Variants in TAOK3 observed in about 807,000 individuals in gnomAD.
The protein encoded by TAOK3 is serine/threonine-protein kinase TAO3.
TAOK3 carries 40 observed loss-of-function variants against 120.4 expected under a neutral mutation model. The observed-to-expected ratio is 0.33, with a 90% CI of 0.26 to 0.43. TAOK3 has a LOEUF of 0.43. Among genes scored for constraint, TAOK3 ranks in the 20% least tolerant of loss-of-function variants. The probability of loss-of-function intolerance (pLI) is 1.00; values close to 1 mark genes in which losing one functional copy is unlikely to be tolerated. For missense variants in TAOK3, 821 were observed against 1,112.1 expected (o/e 0.74, Z 3.72); for synonymous variants, 355 against 387.5 (o/e 0.92, Z 0.99).
At chr12:118,342,960 A>G (rs1268143706) in intron 1 of TAOK3, among the ~76,000 whole-genome samples, 1 of 130,866 alleles carries the variant, frequency 7.6e-6, no homozygotes, top group Non-Finnish European at 1.6e-5. Context: ...AAAAAAAAAG[A>G]GAGAGAGAGA....
At chr12:118,151,643 C>T (rs190867259) in intron 20 of TAOK3, among the ~76,000 whole-genome samples, 1 of 152,242 alleles carries the variant, frequency 6.6e-6, no homozygotes, top group East Asian at 1.9e-4. Context: ...CAGGGAACTA[C>T]TGGAAGAAAG....
rs2034348861 is a variant in TAOK3, at chr12:118,150,951, G to GTT, written c.*44_*45dup. The stretch of plus-strand genomic sequence containing the variant: ...TTTTGCAGGGTCTGAATTTTTTTCT[G>GTT]TTTTCTTTTTTTTTTTTTTTTTTGT... On this transcript the variant is annotated 3_prime_UTR_variant, in exon 21 of 21. Coordinates refer to ENST00000392533, the MANE Select transcript of TAOK3 (RefSeq NM_016281.4). The GTT allele has an allele frequency of 2.9e-6, 4 of 1,364,754 alleles. No individual in the cohort carries two copies. Among genetic ancestry groups the GTT allele is most frequent in the East Asian group, 2.4e-5 (1 of 41,814 alleles). The allele number at this position is 1,364,754 out of a possible 1,614,324, so 84.5% of individuals were successfully genotyped here.
chr12:118,254,123 A>C (rs778562084), intron 3 of TAOK3, among the ~76,000 whole-genome samples: 3 of 152,224 alleles, frequency 2.0e-5, no homozygotes, highest in Non-Finnish European at 4.4e-5. Flanking sequence ...AGCTGTGTTA[A>C]AATTTTGGCT....
intron 13 of TAOK3, among the ~76,000 whole-genome samples, chr12:118,198,136 A>T (rs1367843309): frequency 1.3e-5 from 2 of 151,890 alleles, no homozygotes; most frequent in Non-Finnish European, 1.5e-5. Flanking sequence ...GTCCTGAGGC[A>T]CTGTCCACAT....
intron 5 of TAOK3, among the ~76,000 whole-genome samples, chr12:118,242,136 A>G (rs1434457623): frequency 6.6e-6 from 1 of 151,836 alleles, no homozygotes; most frequent in Non-Finnish European, 1.5e-5. Context: ...AGTGTGAAGG[A>G]TTTTCTGAAG....
Position 118,152,241 on chromosome 12 carries a change from G to T in TAOK3, c.2521C>A (p.His841Asn), listed in dbSNP as rs2034500879. 6 of 1,613,856 alleles carry T rather than the reference G, an allele frequency of 3.7e-6. No homozygotes were observed. The highest frequency in any genetic ancestry group is 5.1e-6 in the Non-Finnish European group (6 of 1,179,808). ...TGCTCCCTTACCTTCTGCTCAAGGT[G>T]TGCTCTGCGCAGAGACACTCTCTGC... ...LEQRVSLRRA[H>N]LEQKIEEELA... Residue 841 changes from histidine to asparagine, a missense_variant, in exon 20 of 21, where the codon CAC becomes AAC. Transcript: ENST00000392533.
At chr12:118,336,436 A>G (rs1180489312) in intron 1 of TAOK3, among the ~76,000 whole-genome samples, 2 of 152,228 alleles carry the variant, frequency 1.3e-5, no homozygotes, top group Non-Finnish European at 2.9e-5. Flanking sequence ...CTCTTATCTT[A>G]TACAAAAATT....
intron 11 of TAOK3, among the ~76,000 whole-genome samples, chr12:118,211,613 C>CT (rs5801272): frequency 0.03 from 4,174 of 137,308 alleles, 75 homozygotes; most frequent in Non-Finnish European, 0.042. Context: ...TCATATTTTC[C>CT]TTTTTTTTTT....
In TAOK3 at chr12:118,192,679, A is replaced by G. The variant is rs2037494686; in HGVS notation, c.1195-2738T>C. On this transcript the variant is annotated intron_variant, in intron 13 of 20. Transcript: ENST00000392533. ...TCAAAGAAATTAAAGTATCAACTTT[A>G]CTGGAAATATTTTCTGTTGGTTATA... Among the ~76,000 whole-genome samples, 3 of 152,268 alleles carry G rather than the reference A, an allele frequency of 2.0e-5. No homozygotes were observed. In the South Asian group the frequency reaches 6.2e-4, roughly 31 times the overall value.
intron 19 of TAOK3, among the ~76,000 whole-genome samples, chr12:118,155,334 A>G (rs2034746513): frequency 6.6e-6 from 1 of 152,206 alleles, no homozygotes; most frequent in Non-Finnish European, 1.5e-5. Flanking sequence ...ATACTCATTA[A>G]TTTATGTTTT....
intron 1 of TAOK3, among the ~76,000 whole-genome samples, chr12:118,313,193 C>G (rs938257869): frequency 6.6e-6 from 1 of 152,168 alleles, no homozygotes; most frequent in Non-Finnish European, 1.5e-5. Flanking sequence ...CAAGACATTA[C>G]AGAAGACAGA....
At chr12:118,238,299 C>A in intron 6 of TAOK3, 130 bp from the exon 7 acceptor site, 1 of 518,686 alleles carries the variant, frequency 1.9e-6, no homozygotes, top group South Asian at 3.0e-5. Flanking sequence ...TCACCTAGAT[C>A]TTCTATAGAA....
At chr12:118,246,754 C>T (rs1783487427) in intron 3 of TAOK3, 1 of 1,563,538 alleles carries the variant, frequency 6.4e-7, no homozygotes, top group East Asian at 2.2e-5. Flanking sequence ...GACTGCTACA[C>T]CTCAGCCCGG....
intron 12 of TAOK3, chr12:118,200,170 A>T (rs2037949874): frequency 6.6e-6 from 1 of 152,220 alleles, no homozygotes; most frequent in Non-Finnish European, 1.5e-5. Context: ...CTATATATGC[A>T]ATCAAGAAAT....
chr12:118,216,501 T>G (rs994528819), intron 9 of TAOK3, among the ~76,000 whole-genome samples: 3 of 152,212 alleles, frequency 2.0e-5, no homozygotes, highest in Non-Finnish European at 4.4e-5. Context: ...CTTTTACTTA[T>G]TCCCCCAGAA....
chr12:118,196,687 A>G (rs1446518330), intron 13 of TAOK3, among the ~76,000 whole-genome samples: 2 of 152,200 alleles, frequency 1.3e-5, no homozygotes, highest in Admixed American at 6.5e-5. Context: ...CTCAAACTGT[A>G]AAGATAGCTA....
chr12:118,209,833 C>T (rs968093615), intron 11 of TAOK3, among the ~76,000 whole-genome samples: 3 of 151,856 alleles, frequency 2.0e-5, no homozygotes, highest in African/African-American at 2.4e-5. Context: ...CCTCCTTGAG[C>T]CTCCGAAGCA....
At chr12:118,249,062 T>TA (rs1222986681) in intron 3 of TAOK3, among the ~76,000 whole-genome samples, 2 of 152,164 alleles carry the variant, frequency 1.3e-5, no homozygotes, top group Non-Finnish European at 2.9e-5. Context: ...TATGAATGAC[T>TA]ACAGCCTCTA....
rs1003473608 is a variant in TAOK3, at chr12:118,372,561, G to A, written c.-194+87C>T. 1.3e-4 allele frequency: 20 copies of A among 155,576 alleles called. No individual in the cohort carries two copies. Among genetic ancestry groups the A allele is most frequent in the Non-Finnish European group, 2.3e-4 (16 of 70,706 alleles). 9.6% of individuals were successfully genotyped at this position (155,576 alleles called of 1,614,324 possible). ...TCTCCTCTCCACAGTCTGCACTGTC[G>A]AGCCCGCTCCCGCAACTCCCCTCAC... is the stretch of plus-strand genomic sequence containing the variant. On this transcript the variant is annotated intron_variant, in intron 1 of 20. Coordinates refer to ENST00000392533, the MANE Select transcript of TAOK3 (RefSeq NM_016281.4). This position sits in a 1 kb window ranked among gnomAD's most constrained non-coding sequence, Gnocchi z 4.6.
Sources: gnomAD v4.1 joint callset for allele counts (sites outside exome capture counted in the v4.1 genomes callset) on GRCh38, gnomAD v4.1.1 for gene constraint, Gnocchi (gnomAD v3.1) non-coding constraint, MANE v1.5 for transcripts, NCBI Gene and HGNC (gene_info 2026-07-23, HGNC 2026-07-21) for gene names.